Variants in SPTLC3 observed in about 807,000 individuals in gnomAD.
SPTLC3 encodes serine palmitoyltransferase long chain base subunit 3.
SPTLC3 carries 36 observed loss-of-function variants against 59.3 expected under a neutral mutation model. The observed-to-expected ratio is 0.61, with a 90% CI of 0.47 to 0.80. The LOEUF (loss-of-function observed/expected upper bound fraction) is 0.80, where lower values mean the gene tolerates loss of function less well. Ranked by LOEUF, SPTLC3 falls within the 30% of genes least tolerant of loss-of-function variation. The probability of loss-of-function intolerance (pLI) is 0.00; values close to 1 mark genes in which losing one functional copy is unlikely to be tolerated. For synonymous variants in SPTLC3, 257 were observed against 240.8 expected (o/e 1.07, Z -0.62); for missense variants, 625 against 685.1 (o/e 0.91, Z 0.98).
chr20:13,117,394 C>A, intron 7 of SPTLC3, 112 bp from the exon 8 acceptor site: 2 of 1,046,492 alleles, frequency 1.9e-6, no homozygotes, highest in South Asian at 2.3e-5. Context: ...GCCTTCAGAA[C>A]AAAGGAATGG....
intron 7 of SPTLC3, among the ~76,000 whole-genome samples, chr20:13,110,737 C>A (rs1990185810): frequency 6.6e-6 from 1 of 152,088 alleles, no homozygotes; most frequent in South Asian, 2.1e-4. Context: ...TGTTCCAGAG[C>A]CAGCGGGTAG....
rs563844694 is a variant in SPTLC3 at position 13,059,556 on chromosome 20, G to C, written c.303+10426G>C. Among the ~76,000 whole-genome samples the C allele has an allele frequency of 2.6e-5, 4 of 152,312 alleles. No homozygotes were observed. The East Asian group carries it at 7.7e-4, about 29-fold the overall frequency. On this transcript the variant is annotated intron_variant, in intron 2 of 11. Transcript: ENST00000399002. ...CTATCCTACTATCCCTTACAGGAAAGATGGTCTTAGCCCATCTGTGCTTTA... is the reference window on the plus strand; with the variant it reads ...CTATCCTACTATCCCTTACAGGAAACATGGTCTTAGCCCATCTGTGCTTTA...
intron 9 of SPTLC3, among the ~76,000 whole-genome samples, chr20:13,136,309 G>A (rs188024731): frequency 5.5e-4 from 84 of 152,172 alleles, no homozygotes; most frequent in Non-Finnish European, 1.1e-3. Flanking sequence ...AGAAATAGAG[G>A]AATTTGGCCA....
At chr20:13,037,681 A>C (rs1476427846) in intron 1 of SPTLC3, among the ~76,000 whole-genome samples, 1 of 152,204 alleles carries the variant, frequency 6.6e-6, no homozygotes, top group Non-Finnish European at 1.5e-5. Context: ...GGTTATCAAG[A>C]ATAAAATGAG....
At chr20:13,110,048 G>C (rs540632796) in intron 6 of SPTLC3, 64 bp from the exon 7 acceptor site, 3 of 1,393,912 alleles carry the variant, frequency 2.2e-6, no homozygotes, top group East Asian at 4.7e-5. Flanking sequence ...TCTGGAAAAA[G>C]AAAGTGGAAA....
chr20:13,108,560 T>C (rs1337682367), intron 6 of SPTLC3, among the ~76,000 whole-genome samples: 1 of 152,202 alleles, frequency 6.6e-6, no homozygotes, highest in Non-Finnish European at 1.5e-5. Flanking sequence ...GTACTGACTA[T>C]GCAGCTTTAG....
chr20:13,019,065 G>A (rs1600206141), intron 1 of SPTLC3, among the ~76,000 whole-genome samples: 1 of 152,218 alleles, frequency 6.6e-6, no homozygotes, highest in East Asian at 1.9e-4. Context: ...TTGACATATT[G>A]AAGATCATCT....
chr20:13,063,367 C>T (rs916553213), intron 2 of SPTLC3, among the ~76,000 whole-genome samples: 1 of 152,018 alleles, frequency 6.6e-6, no homozygotes, highest in Non-Finnish European at 1.5e-5. Context: ...TGTTTCTTGG[C>T]TCTTAACTTT....
intron 1 of SPTLC3, among the ~76,000 whole-genome samples, chr20:13,035,621 T>C (rs570763427): frequency 3.3e-5 from 5 of 152,150 alleles, no homozygotes; most frequent in Non-Finnish European, 7.4e-5. Flanking sequence ...AATTGCACCT[T>C]GTGCCTTCCA....
At chr20:13,067,002 G>T (rs1988238182) in intron 2 of SPTLC3, among the ~76,000 whole-genome samples, 1 of 69,926 alleles carries the variant, frequency 1.4e-5, no homozygotes, top group Admixed American at 1.5e-4. Flanking sequence ...CCTTTAAATG[G>T]GTGCATTGTT....
At position 13,110,198 on chromosome 20, in the gene SPTLC3, C is replaced by G. The variant is rs761133600; in HGVS notation, c.913C>G (p.Leu305Val). ...CAGAGCTTGGAAAAAGATTCTCATC[C>G]TGGTGGAGGGTGTCTACAGGTATGT... ...TRRAWKKILILVEGVYSMEGS... is the reference protein window; with the variant it reads ...TRRAWKKILIVVEGVYSMEGS... The change falls in exon 7 of 12, where the codon CTG becomes GTG. Residue 305 changes from leucine to valine, a missense_variant. Coordinates refer to ENST00000399002, the MANE Select transcript of SPTLC3 (RefSeq NM_018327.4). The G allele has an allele frequency of 3.7e-6, 6 of 1,613,594 alleles. No individual in the cohort carries two copies. The East Asian group carries it at 1.3e-4, about 36-fold the overall frequency.
Position 13,030,798 on chromosome 20 carries a change from T to A in SPTLC3, c.118-18147T>A, listed in dbSNP as rs375238902. Among the ~76,000 whole-genome samples the A allele has an allele frequency of 2.9e-3, 440 of 152,248 alleles. 4 individuals carry two copies. Among genetic ancestry groups the A allele is most frequent in the African/African-American group, 0.01 (423 of 41,552 alleles). On this transcript the variant is annotated intron_variant, in intron 1 of 11. Coordinates refer to ENST00000399002, the MANE Select transcript of SPTLC3 (RefSeq NM_018327.4). ...AAGCACTTCCTTCTGCCTGGAAGAC[T>A]TTTTATTCCTGGTAAACTCCTACTG...
chr20:13,091,067 G>T lies in SPTLC3; in HGVS notation c.608-16G>T, dbSNP rs1568597330. 6.2e-7 allele frequency: 1 copy of T among 1,612,674 alleles called. No individual in the cohort carries two copies. The highest frequency in any genetic ancestry group is 2.2e-5 in the East Asian group (1 of 44,840). Reference sequence around the variant, plus strand: ...TGAAAAGAGAAGGCTCACTTCTCATGTAATTTTATGTGCAGGCACCTTGGA... The same window carrying T: ...TGAAAAGAGAAGGCTCACTTCTCATTTAATTTTATGTGCAGGCACCTTGGA... On this transcript the variant is annotated splice_polypyrimidine_tract_variant and intron_variant, in intron 4 of 11. Coordinates refer to ENST00000399002, the MANE Select transcript of SPTLC3 (RefSeq NM_018327.4).
At chr20:13,024,636 T>C (rs933857958) in intron 1 of SPTLC3, among the ~76,000 whole-genome samples, 2 of 152,202 alleles carry the variant, frequency 1.3e-5, no homozygotes, top group Non-Finnish European at 2.9e-5. Context: ...AGTTTCCTAA[T>C]GTAGTTTTGA....
At chr20:13,145,996 T>C (rs866813734) in intron 9 of SPTLC3, among the ~76,000 whole-genome samples, 62 of 152,212 alleles carry the variant, frequency 4.1e-4, no homozygotes, top group African/African-American at 1.4e-3. Context: ...TGCAGCACTA[T>C]TCACAATAGC....
At chr20:13,053,437 G>GA (rs1987583206) in intron 2 of SPTLC3, among the ~76,000 whole-genome samples, 1 of 152,054 alleles carries the variant, frequency 6.6e-6, no homozygotes, top group African/African-American at 2.4e-5. Flanking sequence ...TGAGGATGAG[G>GA]AAAAACCAGC....
At chr20:13,040,675 G>C (rs1438468969) in intron 1 of SPTLC3, among the ~76,000 whole-genome samples, 1 of 150,938 alleles carries the variant, frequency 6.6e-6, no homozygotes, top group Non-Finnish European at 1.5e-5. Context: ...ACCTTTGCCT[G>C]TGCCCCCTTT....
At chr20:13,034,928 G>A (rs1228620066) in intron 1 of SPTLC3, among the ~76,000 whole-genome samples, 1 of 152,116 alleles carries the variant, frequency 6.6e-6, no homozygotes, top group Admixed American at 6.6e-5. Context: ...GGAGAAAGGT[G>A]ATGGGTATCT....
chr20:13,097,371 TG>T (rs1473192063), intron 6 of SPTLC3, among the ~76,000 whole-genome samples: 3 of 152,166 alleles, frequency 2.0e-5, no homozygotes, highest in Non-Finnish European at 2.9e-5. Flanking sequence ...CTTACCATGC[TG>T]TTCCCCAGCT....
Sources: gnomAD v4.1 joint callset for allele counts (sites outside exome capture counted in the v4.1 genomes callset) on GRCh38, gnomAD v4.1.1 for gene constraint, MANE v1.5 for transcripts, NCBI Gene and HGNC (gene_info 2026-07-23, HGNC 2026-07-21) for gene names.